Variants in NTRK1 observed in about 807,000 individuals in gnomAD.
The protein encoded by NTRK1 is high affinity nerve growth factor receptor.
Under a neutral mutation model 86.8 loss-of-function variants are expected in NTRK1, and 62 were observed. The observed-to-expected ratio is 0.71, with a 90% confidence interval of 0.58 to 0.88. The LOEUF is 0.88. Ranked by LOEUF, NTRK1 falls within the 40% of genes least tolerant of loss-of-function variation. The probability of loss-of-function intolerance (pLI) is 0.00; values close to 1 mark genes in which losing one functional copy is unlikely to be tolerated. For missense variants in NTRK1, 967 were observed against 1,078.4 expected (o/e 0.90, Z 1.45); for synonymous variants, 469 against 456.6 (o/e 1.03, Z -0.35).
At chr1:156,858,653 C>G, upstream of NTRK1, 1 of 1,589,952 alleles carries the variant, frequency 6.3e-7, no homozygotes, top group Non-Finnish European at 8.6e-7. Context: ...CCAGTCCCGG[C>G]TCTCCTCCCG....
chr1:156,854,360 A>G lies in NTRK1; in HGVS notation c.51-9994A>G. ...ACAGCCCAGGCCAAATTCCCCATCC[A>G]GCCCTGGCAGCTTTGGAGGGGAGCC... On this transcript the variant is annotated intron_variant, in intron 2 of 16. Coordinates refer to the NTRK1 transcript ENST00000392302. The surrounding 1 kb of genome is among the most constrained non-coding windows in gnomAD (Gnocchi z 4.2). 1.3e-6 allele frequency: 2 copies of G among 1,496,530 alleles called. No homozygotes were observed. The highest frequency in any genetic ancestry group is 1.8e-6 in the Non-Finnish European group (2 of 1,114,940). The allele number at this position is 1,496,530 out of a possible 1,614,324, so 92.7% of individuals were successfully genotyped here.
chr1:156,876,321 G>A (rs1445983266), intron 13 of NTRK1, 79 bp from the exon 14 acceptor site: 1 of 1,609,672 alleles, frequency 6.2e-7, no homozygotes. Flanking sequence ...CTGGATACCG[G>A]GGTGGGCGGG....
At chr1:156,832,234 T>A (rs1654484692) in intron 1 of NTRK1, among the ~76,000 whole-genome samples, 1 of 152,194 alleles carries the variant, frequency 6.6e-6, no homozygotes, top group South Asian at 2.1e-4. Context: ...CCTAGTTGGT[T>A]TGTTGTCATT....
Position 156,866,961 on chromosome 1 carries a change from C to T in NTRK1, c.411C>T (p.Gly137=), listed in dbSNP as rs1443884022. Residue 137 remains glycine (G), a synonymous_variant, in exon 4 of 17, where the codon GGC becomes GGT. Coordinates refer to ENST00000524377, the MANE Select transcript of NTRK1 (RefSeq NM_002529.4). ...LESLSWKTVQ[G]LSLQELVLSG... ...CTCTCTCCTGGAAAACTGTGCAGGG[C>T]CTCTCCTTACAGGAACTGTGAGTGG... 3.1e-6 allele frequency: 5 copies of T among 1,614,090 alleles called. No individual in the cohort carries two copies. In the East Asian group the frequency reaches 6.7e-5, roughly 22 times the overall value.
At chr1:156,842,575 C>A (rs768683236) in intron 2 of NTRK1, 1 of 1,167,506 alleles carries the variant, frequency 8.6e-7, no homozygotes, top group South Asian at 1.2e-5. Context: ...AAATTCTGAT[C>A]TGCTATGACC....
In NTRK1 at chr1:156,866,989, G is replaced by T. The variant is rs1025335114; in HGVS notation, c.428+11G>T. 1 of 1,614,012 alleles carries T rather than the reference G, an allele frequency of 6.2e-7. No homozygotes were observed. The highest frequency in any genetic ancestry group is 1.3e-5 in the African/African-American group (1 of 74,928). On this transcript the variant is annotated intron_variant, in intron 4 of 16. Coordinates refer to ENST00000524377, the MANE Select transcript of NTRK1 (RefSeq NM_002529.4). Reference sequence around the variant, plus strand: ...CTCCTTACAGGAACTGTGAGTGGGGGCGCTTCCAGGGGCAAGAGCACCAAG... The same window carrying T: ...CTCCTTACAGGAACTGTGAGTGGGGTCGCTTCCAGGGGCAAGAGCACCAAG...
At chr1:156,849,513 G>GGGGGGGGGGGGGGGGGGGGGGGGGT in intron 2 of NTRK1, 1 of 486,122 alleles carries the variant, frequency 2.1e-6, no homozygotes, top group Non-Finnish European at 4.1e-6. Flanking sequence ...CAGGGGGTGG[G>GGGGGGGGGGGGGGGGGGGGGGGGGT]AAAGGGGATG....
In NTRK1 at chr1:156,854,832, G is replaced by A. The variant is rs1655351215; in HGVS notation, c.51-9522G>A. ...CCATTCTCCACTCTGCAGCCAGAGT[G>A]ATCTCAAAACACAGATGGATCACGT... On this transcript the variant is annotated intron_variant, in intron 2 of 16. Coordinates refer to the NTRK1 transcript ENST00000392302. The surrounding 1 kb of genome is among the most constrained non-coding windows in gnomAD (Gnocchi z 4.2). Among the ~76,000 whole-genome samples, 1 of 152,056 alleles carries A rather than the reference G, an allele frequency of 6.6e-6. No individual in the cohort carries two copies. Among genetic ancestry groups the A allele is most frequent in the African/African-American group, 2.4e-5 (1 of 41,390 alleles).
intron 11 of NTRK1, 50 bp from the exon 12 acceptor site, chr1:156,875,470 A>G (rs758217722): frequency 6.2e-7 from 1 of 1,611,882 alleles, no homozygotes; most frequent in South Asian, 1.1e-5. Flanking sequence ...AAGGGTGGGC[A>G]GGGCCAAGGT....
intron 1 of NTRK1, among the ~76,000 whole-genome samples, chr1:156,835,905 C>T (rs11812062): frequency 1.3e-5 from 2 of 152,208 alleles, no homozygotes; most frequent in Admixed American, 1.3e-4. Flanking sequence ...CAGAAGTTGC[C>T]GCCATCTAGG....
rs554938935 is a variant in NTRK1, at chr1:156,853,983, G to A, written c.51-10371G>A. The A allele has an allele frequency of 3.1e-5, 50 of 1,613,278 alleles. No individual in the cohort carries two copies. The highest frequency in any genetic ancestry group is 3.5e-5 in the Non-Finnish European group (41 of 1,179,544). ...TTCTTCTCCACACGCACAGCCCCAC[G>A]CAGCACGGCCCCAAGTGCAGGCAGT... On this transcript the variant is annotated intron_variant, in intron 2 of 16. Transcript: ENST00000392302.
chr1:156,860,743 G>T (rs1007210), upstream of NTRK1: 10,210 of 1,107,898 alleles, frequency 9.2e-3, 77 homozygotes, highest in Admixed American at 0.011. Flanking sequence ...GGGGCAGAGG[G>T]GGGGGCGTCA....
chr1:156,819,298 G>A (rs549439036), intron 1 of NTRK1, among the ~76,000 whole-genome samples: 89 of 152,034 alleles, frequency 5.9e-4, no homozygotes, highest in Middle Eastern at 3.4e-3. Flanking sequence ...ATAAGCCACC[G>A]CACCTCACCA....
chr1:156,880,267 G>A, intron 16 of NTRK1, 110 bp downstream of exon 16: 4 of 1,227,832 alleles, frequency 3.3e-6, no homozygotes, highest in Non-Finnish European at 4.7e-6. Flanking sequence ...ACAGCCTGTT[G>A]GGGGGCCCTT....
intron 2 of NTRK1, chr1:156,851,695 C>G (rs1655215924): frequency 3.1e-6 from 5 of 1,614,186 alleles, no homozygotes; most frequent in Non-Finnish European, 4.2e-6. Flanking sequence ...GCGTGCAGCC[C>G]ACAAGATCCT....
chr1:156,846,729 C>T, intron 2 of NTRK1: 3 of 1,614,096 alleles, frequency 1.9e-6, no homozygotes, highest in Non-Finnish European at 2.5e-6. Flanking sequence ...GCATCTGGAC[C>T]CACGTGCTCT....
intron 1 of NTRK1, 103 bp from the exon 2 acceptor site, chr1:156,864,251 G>T (rs1655820106): frequency 1.9e-6 from 2 of 1,065,452 alleles, no homozygotes; most frequent in Admixed American, 3.5e-5. Flanking sequence ...GCATATGCGT[G>T]TGCATGTGGC....
intron 2 of NTRK1, chr1:156,851,698 A>T (rs1229398714): frequency 6.2e-6 from 10 of 1,614,082 alleles, no homozygotes; most frequent in Non-Finnish European, 8.5e-6. Context: ...TGCAGCCCAC[A>T]AGATCCTGTG....
upstream of NTRK1, chr1:156,860,829 G>C: frequency 7.4e-7 from 1 of 1,345,846 alleles, no homozygotes; most frequent in Non-Finnish European, 9.5e-7. Flanking sequence ...TTTCCTGGCG[G>C]CTGGGTCTTT....
Sources: allele counts gnomAD v4.1 joint callset (sites outside exome capture counted in the v4.1 genomes callset), GRCh38; gene constraint gnomAD v4.1.1; non-coding constraint Gnocchi (gnomAD v3.1); transcripts MANE v1.5; gene names NCBI Gene and HGNC (gene_info 2026-07-23, HGNC 2026-07-21).